Variants in ZRANB3 observed in about 807,000 individuals in gnomAD.
ZRANB3 encodes DNA annealing helicase and endonuclease ZRANB3.
ZRANB3 carries 125 observed loss-of-function variants against 133.8 expected under a neutral mutation model. The ratio of observed to expected loss-of-function variants is 0.93; its 90% CI spans 0.81 to 1.08. ZRANB3 has a LOEUF of 1.08. Ranked by LOEUF, ZRANB3 falls within the 50% of genes least tolerant of loss-of-function variation. ZRANB3 has a pLI of 0.00. For missense variants in ZRANB3, 1,229 were observed against 1,275.5 expected, an observed-to-expected ratio of 0.96 and a Z score of 0.56; for synonymous variants, 387 against 432.7, an observed-to-expected ratio of 0.89 and a Z score of 1.31.
At chr2:135,333,280 T>C (rs908113895) in intron 6 of ZRANB3, among the ~76,000 whole-genome samples, 11 of 151,968 alleles carry the variant, frequency 7.2e-5, no homozygotes, top group Admixed American at 2.6e-4. Flanking sequence ...CTTCCTGCCA[T>C]CCCCGAAAGT....
At chr2:135,391,644 A>AC (rs1687240184) in intron 2 of ZRANB3, among the ~76,000 whole-genome samples, 1 of 147,282 alleles carries the variant, frequency 6.8e-6, no homozygotes. Flanking sequence ...CAGTGGTGCG[A>AC]TCTCCGCTCA....
At chr2:135,413,906 T>G (rs910693367) in intron 2 of ZRANB3, among the ~76,000 whole-genome samples, 7 of 151,950 alleles carry the variant, frequency 4.6e-5, no homozygotes, top group Non-Finnish European at 1.0e-4. Flanking sequence ...AAGCAAATAC[T>G]GAGAGATTTT....
chr2:135,526,966 T>C (rs1235607505), intron 1 of ZRANB3, among the ~76,000 whole-genome samples: 1 of 152,208 alleles, frequency 6.6e-6, no homozygotes, highest in East Asian at 1.9e-4. Context: ...AATTTACCTA[T>C]AGCCTGGAAG....
At chr2:135,306,059 C>T (rs979368322) in intron 8 of ZRANB3, among the ~76,000 whole-genome samples, 1 of 152,146 alleles carries the variant, frequency 6.6e-6, no homozygotes. Context: ...CCTTGCAGAC[C>T]TTTTCAGGTT....
At chr2:135,415,451 T>G (rs1486204147) in intron 2 of ZRANB3, among the ~76,000 whole-genome samples, 4 of 152,136 alleles carry the variant, frequency 2.6e-5, no homozygotes, top group Non-Finnish European at 2.9e-5. Context: ...GACCTGAAAT[T>G]GTGGCAATAA....
chr2:135,495,100 C>T (rs1440493154), intron 2 of ZRANB3, among the ~76,000 whole-genome samples: 1 of 152,046 alleles, frequency 6.6e-6, no homozygotes, highest in African/African-American at 2.4e-5. Context: ...CAGTGGTGTG[C>T]ACCTGTAATA....
intron 2 of ZRANB3, among the ~76,000 whole-genome samples, chr2:135,404,288 G>A (rs1157186909): frequency 1.3e-5 from 2 of 152,196 alleles, no homozygotes; most frequent in Non-Finnish European, 2.9e-5. Context: ...CAAGGCACGA[G>A]AACTATGTGA....
rs185169793 is a variant in ZRANB3 at position 135,384,329 on chromosome 2, C to A, written c.180+6473G>T. On this transcript the variant is annotated intron_variant, in intron 3 of 20. Transcript: ENST00000264159. ...AATCTCTGAATAGACCAATAACAGGCTCTGAAATTGAGGCAATAATTAATA... is the reference window on the plus strand; with the variant it reads ...AATCTCTGAATAGACCAATAACAGGATCTGAAATTGAGGCAATAATTAATA... Among the ~76,000 whole-genome samples the A allele has an allele frequency of 3.1e-3, 475 of 152,198 alleles. 2 individuals carry two copies. Among genetic ancestry groups the A allele is most frequent in the African/African-American group, 0.01 (424 of 41,540 alleles).
chr2:135,345,762 C>T (rs1441431921), intron 5 of ZRANB3, 127 bp from the exon 6 acceptor site: 1 of 635,744 alleles, frequency 1.6e-6, no homozygotes, highest in Non-Finnish European at 2.7e-6. Flanking sequence ...TCCTCAAATC[C>T]CCTCACTACT....
At chr2:135,390,178 C>T (rs555520537) in intron 3 of ZRANB3, among the ~76,000 whole-genome samples, 3 of 152,148 alleles carry the variant, frequency 2.0e-5, no homozygotes, top group African/African-American at 4.8e-5. Context: ...TGCGCCTGGC[C>T]GTTTTGCTGT....
intron 12 of ZRANB3, among the ~76,000 whole-genome samples, chr2:135,246,926 T>C (rs1002903874): frequency 3.3e-5 from 5 of 152,128 alleles, no homozygotes; most frequent in African/African-American, 4.8e-5. Flanking sequence ...GCTATGATGA[T>C]AGGATTAAAA....
chr2:135,372,349 G>T (rs1686221371), intron 3 of ZRANB3, among the ~76,000 whole-genome samples: 1 of 151,984 alleles, frequency 6.6e-6, no homozygotes, highest in Admixed American at 6.6e-5. Flanking sequence ...TGTTTTTTAA[G>T]CCACCTGTCT....
intron 2 of ZRANB3, among the ~76,000 whole-genome samples, chr2:135,461,281 T>A (rs1333336561): frequency 6.6e-6 from 1 of 152,070 alleles, no homozygotes; most frequent in African/African-American, 2.4e-5. Flanking sequence ...GCCTTTAAGA[T>A]AAATCTGGCC....
chr2:135,316,967 GAAAAA>G (rs36092486), intron 6 of ZRANB3, among the ~76,000 whole-genome samples: 4 of 98,130 alleles, frequency 4.1e-5, no homozygotes, highest in African/African-American at 9.5e-5. Context: ...TCCGTCTCGA[GAAAAA>G]AAAAAAAAAA....
At position 135,432,211 on chromosome 2, in the gene ZRANB3, T is replaced by C. The variant is rs140026126; in HGVS notation, c.162-41391A>G. Among the ~76,000 whole-genome samples the C allele has an allele frequency of 3.1e-3, 476 of 152,188 alleles. 3 individuals are homozygous for C. Among genetic ancestry groups the C allele is most frequent in the African/African-American group, 0.01 (429 of 41,536 alleles). On this transcript the variant is annotated intron_variant, in intron 2 of 20. Coordinates refer to ENST00000264159, the MANE Select transcript of ZRANB3 (RefSeq NM_032143.4). ...GCTGCAGTGAGCTGAGATTGCGCCATTGAACTCCAGCCTGGGCATTAAGAG... is the reference window on the plus strand; with the variant it reads ...GCTGCAGTGAGCTGAGATTGCGCCACTGAACTCCAGCCTGGGCATTAAGAG...
chr2:135,320,210 G>C (rs998247168), intron 6 of ZRANB3, among the ~76,000 whole-genome samples: 3 of 152,150 alleles, frequency 2.0e-5, no homozygotes, highest in Admixed American at 6.6e-5. Context: ...CGAGCTAAAA[G>C]TGAAAGATTC....
In ZRANB3 at chr2:135,500,078, TC is replaced by T. The variant is rs376876856; in HGVS notation, c.161+4250del. On this transcript the variant is annotated intron_variant, in intron 2 of 20. Coordinates refer to ENST00000264159, the MANE Select transcript of ZRANB3 (RefSeq NM_032143.4). Reference sequence around the variant, plus strand: ...GAGAGCCCTGGAAAAGACAATTCCTTCACAGCTCTCAAGAGGAACAAACCCT... The same window carrying T: ...GAGAGCCCTGGAAAAGACAATTCCTTACAGCTCTCAAGAGGAACAAACCCT... Among the ~76,000 whole-genome samples the T allele has an allele frequency of 3.5e-4, 54 of 152,272 alleles. 2 individuals are homozygous for T. In the East Asian group the frequency reaches 5.4e-3, roughly 15 times the overall value.
intron 1 of ZRANB3, chr2:135,510,751 G>A (rs1693415325): frequency 2.5e-6 from 2 of 801,766 alleles, no homozygotes; most frequent in African/African-American, 3.4e-5. Flanking sequence ...GAACATGATG[G>A]GCCTGTTGCG....
At chr2:135,313,375 T>G in intron 8 of ZRANB3, 114 bp downstream of exon 8, 1 of 642,184 alleles carries the variant, frequency 1.6e-6, no homozygotes, top group Non-Finnish European at 2.5e-6. Flanking sequence ...AAAAAAGAGT[T>G]AAACAATAGC....
Sources: allele counts gnomAD v4.1 joint callset (sites outside exome capture counted in the v4.1 genomes callset), GRCh38; gene constraint gnomAD v4.1.1; transcripts MANE v1.5; gene names NCBI Gene and HGNC (gene_info 2026-07-23, HGNC 2026-07-21).